The following PDE3B variants were observed in gnomAD, a reference collection of about 807,000 sequenced individuals.
The protein encoded by PDE3B is cGMP-inhibited 3',5'-cyclic phosphodiesterase 3B.
Under a neutral mutation model 116.8 loss-of-function variants are expected in PDE3B, and 66 were observed. The observed-to-expected ratio is 0.56, with a 90% CI of 0.46 to 0.69. The LOEUF is 0.69. Ranked by LOEUF, PDE3B falls within the 30% of genes least tolerant of loss-of-function variation. The pLI, the probability that PDE3B is intolerant of heterozygous loss-of-function variation, is 0.00. For synonymous variants in PDE3B, 595 were observed against 533.6 expected, an observed-to-expected ratio of 1.12 and a Z score of -1.59; for missense variants, 1,384 against 1,368.1, an observed-to-expected ratio of 1.01 and a Z score of -0.18.
chr11:14,880,764 T>A, the PDE3B span: 1 of 1,606,404 alleles, frequency 6.2e-7, no homozygotes, highest in Non-Finnish European at 8.5e-7. Flanking sequence ...TGGAATTGAG[T>A]AAGCCTGAAA....
At chr11:14,894,104 A>G in the PDE3B span, among the ~76,000 whole-genome samples, 2 of 152,192 alleles carry the variant, frequency 1.3e-5, no homozygotes, top group Non-Finnish European at 1.5e-5. Flanking sequence ...GACTATCCCC[A>G]GGGGCTGAAG....
At chr11:14,764,445 A>G (rs938587184) in intron 1 of PDE3B, among the ~76,000 whole-genome samples, 2 of 152,120 alleles carry the variant, frequency 1.3e-5, no homozygotes, top group African/African-American at 2.4e-5. Flanking sequence ...CTAAGCCTCA[A>G]CTTCTCCATA....
chr11:14,713,068 A>G (rs930794936), intron 1 of PDE3B, among the ~76,000 whole-genome samples: 1 of 152,232 alleles, frequency 6.6e-6, no homozygotes, highest in Non-Finnish European at 1.5e-5. Context: ...AATTATGTGT[A>G]AGGTACTAGG....
chr11:14,786,228 G>A (rs930014438), intron 2 of PDE3B, among the ~76,000 whole-genome samples: 7 of 151,878 alleles, frequency 4.6e-5, no homozygotes, highest in Admixed American at 3.3e-4. Context: ...TACAGATTTC[G>A]TTTTATACTA....
the PDE3B span, chr11:14,891,968 G>A: frequency 3.1e-6 from 5 of 1,611,640 alleles, no homozygotes; most frequent in Non-Finnish European, 4.2e-6. Flanking sequence ...CCCGGGGCCC[G>A]TCGGGGCTGT....
chr11:14,840,883 GTGT>G (rs902402684), intron 11 of PDE3B, among the ~76,000 whole-genome samples: 9 of 152,126 alleles, frequency 5.9e-5, no homozygotes, highest in African/African-American at 2.2e-4. Flanking sequence ...ATTGGACAAG[GTGT>G]TTTAGTTAGG....
rs781963145 is a variant in PDE3B at position 14,867,496 on chromosome 11, A to C, written c.2887-10A>C. ...AGTTAAAAATGTACTTTTCTTTTTAAAATATGCAGGGAGATGAAGAAGCAA... is the reference window on the plus strand; with the variant it reads ...AGTTAAAAATGTACTTTTCTTTTTACAATATGCAGGGAGATGAAGAAGCAA... On this transcript the variant is annotated splice_polypyrimidine_tract_variant and intron_variant, in intron 14 of 15. Transcript: ENST00000282096. 3 of 1,605,680 alleles carry C rather than the reference A, an allele frequency of 1.9e-6. No individual in the cohort carries two copies.
chr11:14,851,004 T>C (rs990348895), intron 12 of PDE3B, among the ~76,000 whole-genome samples: 1 of 149,604 alleles, frequency 6.7e-6, no homozygotes, highest in Non-Finnish European at 1.5e-5. Flanking sequence ...TTTTTTTTTT[T>C]AGTAGAGACG....
intron 7 of PDE3B, among the ~76,000 whole-genome samples, chr11:14,825,176 A>G (rs1859648649): frequency 6.6e-6 from 1 of 152,176 alleles, no homozygotes. Context: ...TTACCAGGCA[A>G]TACAAAAAAA....
intron 13 of PDE3B, among the ~76,000 whole-genome samples, chr11:14,860,868 A>AT (rs1555007014): frequency 1.3e-5 from 2 of 151,622 alleles, no homozygotes; most frequent in Non-Finnish European, 2.9e-5. Flanking sequence ...TTCTTATATG[A>AT]TTTTTTGATA....
chr11:14,766,238 C>T (rs1857491657), intron 1 of PDE3B, among the ~76,000 whole-genome samples: 1 of 151,614 alleles, frequency 6.6e-6, no homozygotes, highest in Admixed American at 6.6e-5. Context: ...TGTATATCGT[C>T]ATATTCTTTT....
intron 2 of PDE3B, among the ~76,000 whole-genome samples, chr11:14,780,224 T>G (rs1043274364): frequency 1.3e-5 from 2 of 152,178 alleles, no homozygotes; most frequent in African/African-American, 4.8e-5. Flanking sequence ...TGGGAGACTT[T>G]AACACCCCAC....
At chr11:14,794,763 T>A (rs1229493409) in intron 4 of PDE3B, among the ~76,000 whole-genome samples, 3 of 152,166 alleles carry the variant, frequency 2.0e-5, no homozygotes, top group African/African-American at 7.2e-5. Context: ...CAGCTGTAAA[T>A]CAGGGTTCCC....
At chr11:14,686,119 T>A (rs1854865870) in intron 1 of PDE3B, among the ~76,000 whole-genome samples, 1 of 152,264 alleles carries the variant, frequency 6.6e-6, no homozygotes, top group Non-Finnish European at 1.5e-5. Flanking sequence ...TTACCTAACT[T>A]CTTCAACCAG....
intron 2 of PDE3B, among the ~76,000 whole-genome samples, chr11:14,778,462 C>G (rs1015755491): frequency 2.6e-5 from 4 of 152,126 alleles, no homozygotes; most frequent in East Asian, 3.9e-4. Context: ...CCCTCTGAGA[C>G]GAAGCTTCCA....
chr11:14,850,923 G>T (rs1318359728), intron 12 of PDE3B, among the ~76,000 whole-genome samples: 1 of 151,936 alleles, frequency 6.6e-6, no homozygotes, highest in South Asian at 2.1e-4. Context: ...CCGCCCCCCA[G>T]GTTCATGCCA....
the PDE3B span, chr11:14,886,031 A>G: frequency 1.0e-6 from 1 of 1,000,380 alleles, no homozygotes; most frequent in Non-Finnish European, 1.5e-6. Flanking sequence ...CGTCCCTGAA[A>G]ATATAGGCAG....
At chr11:14,877,886 A>T in the PDE3B span, 31 of 502,608 alleles carry the variant, frequency 6.2e-5, 1 homozygote, top group South Asian at 8.6e-4. Flanking sequence ...AGCAACACCC[A>T]TCATTTGCAC....
At chr11:14,728,256 A>G (rs778506981) in intron 1 of PDE3B, among the ~76,000 whole-genome samples, 2 of 151,974 alleles carry the variant, frequency 1.3e-5, no homozygotes, top group Non-Finnish European at 2.9e-5. Context: ...GTTGTTTTCT[A>G]GTTTTGAAAA....
Sources: allele counts gnomAD v4.1 joint callset (sites outside exome capture counted in the v4.1 genomes callset), GRCh38; gene constraint gnomAD v4.1.1; transcripts MANE v1.5; gene names NCBI Gene and HGNC (gene_info 2026-07-23, HGNC 2026-07-21).